The following FOXP1 variants were observed in gnomAD, a reference collection of about 807,000 sequenced individuals.
FOXP1 encodes forkhead box protein P1.
In FOXP1, 15 loss-of-function variants were observed where a neutral mutation model predicts 98.2. That is an observed-to-expected ratio of 0.15 (90% CI 0.10 to 0.24). The LOEUF (loss-of-function observed/expected upper bound fraction) is 0.24. Among genes scored for constraint, FOXP1 ranks in the 10% least tolerant of loss-of-function variants. The pLI, the probability that FOXP1 is intolerant of heterozygous loss-of-function variation, is 1.00. For missense variants in FOXP1, 633 were observed against 848.5 expected, an observed-to-expected ratio of 0.75 and a Z score of 3.15; for synonymous variants, 371 against 314.5, an observed-to-expected ratio of 1.18 and a Z score of -1.90.
intron 6 of FOXP1, among the ~76,000 whole-genome samples, chr3:71,143,439 T>C (rs535188717): frequency 6.6e-6 from 1 of 152,294 alleles, no homozygotes; most frequent in African/African-American, 2.4e-5. Flanking sequence ...TGTTGCACAG[T>C]CTTCTGGAAG....
chr3:70,968,412 T>C (rs1246118018), intron 19 of FOXP1: 1 of 147,326 alleles, frequency 6.8e-6, no homozygotes, highest in African/African-American at 2.6e-5. Flanking sequence ...GAAGCAGGTG[T>C]GTTACAAAAA....
intron 6 of FOXP1, among the ~76,000 whole-genome samples, chr3:71,154,648 G>C (rs574704199): frequency 6.6e-6 from 1 of 152,166 alleles, no homozygotes; most frequent in Non-Finnish European, 1.5e-5. Context: ...TCAATGCTTC[G>C]CTGTGTGACC....
At chr3:71,232,994 A>G (rs1226660163) in intron 5 of FOXP1, among the ~76,000 whole-genome samples, 1 of 151,560 alleles carries the variant, frequency 6.6e-6, no homozygotes, top group Non-Finnish European at 1.5e-5. Context: ...TAATAATAAT[A>G]AAAACATAAG....
At chr3:71,403,477 GGTGTGTGAGT>G (rs1396291456) in intron 3 of FOXP1, among the ~76,000 whole-genome samples, 3 of 152,256 alleles carry the variant, frequency 2.0e-5, no homozygotes, top group Non-Finnish European at 2.9e-5. Flanking sequence ...TGATGTGAGA[GGTGTGTGAGT>G]GTGTGTGCGC....
Position 70,956,538 on chromosome 3 carries a change from G to C in FOXP1, c.*2709C>G. On this transcript the variant is annotated 3_prime_UTR_variant, in exon 21 of 21. Transcript: ENST00000649528. Reference sequence around the variant, plus strand: ...TCCCTAAAGGTTTGAACTGAGGTATGCGTACTAACAGTTTCTCATGCTGTT... The same window carrying C: ...TCCCTAAAGGTTTGAACTGAGGTATCCGTACTAACAGTTTCTCATGCTGTT... The C allele has an allele frequency of 4.4e-6, 1 of 225,160 alleles. No homozygotes were observed. The allele number at this position is 225,160 out of a possible 1,614,324, so 13.9% of individuals were successfully genotyped here.
At chr3:71,020,388 C>T (rs1227422632) in intron 11 of FOXP1, among the ~76,000 whole-genome samples, 1 of 152,156 alleles carries the variant, frequency 6.6e-6, no homozygotes, top group Non-Finnish European at 1.5e-5. Context: ...CCAAGGTCTT[C>T]ACTTCAACAC....
At chr3:71,258,302 A>G (rs893343421) in intron 5 of FOXP1, among the ~76,000 whole-genome samples, 6 of 152,226 alleles carry the variant, frequency 3.9e-5, no homozygotes, top group Non-Finnish European at 8.8e-5. Context: ...AAGGATGAGT[A>G]GGATGTTAAT....
intron 2 of FOXP1, among the ~76,000 whole-genome samples, chr3:71,560,218 A>T (rs2107727014): frequency 6.6e-6 from 1 of 152,308 alleles, no homozygotes; most frequent in African/African-American, 2.4e-5. Context: ...TCGCATCATT[A>T]TTGTCACCAC....
chr3:71,231,020 CT>C (rs1256990455), intron 5 of FOXP1, among the ~76,000 whole-genome samples: 1 of 152,158 alleles, frequency 6.6e-6, no homozygotes, highest in East Asian at 1.9e-4. Flanking sequence ...TCCCTCCGCT[CT>C]TTAATCATAA....
intron 6 of FOXP1, 134 bp from the exon 7 acceptor site, chr3:71,112,771 T>G: frequency 1.4e-6 from 1 of 697,626 alleles, no homozygotes. Context: ...AAACAGCAAA[T>G]GAAACTTCCC....
At chr3:70,996,419 TTG>T (rs1277594447) in intron 13 of FOXP1, among the ~76,000 whole-genome samples, 3 of 152,252 alleles carry the variant, frequency 2.0e-5, no homozygotes, top group African/African-American at 7.2e-5. Context: ...CAGTACAGCC[TTG>T]AAAGCTTTTC....
At chr3:71,482,784 CAACACATTTTAAT>C (rs963085540) in intron 3 of FOXP1, among the ~76,000 whole-genome samples, 10 of 151,664 alleles carry the variant, frequency 6.6e-5, no homozygotes, top group Non-Finnish European at 1.5e-4. Context: ...GTGAGATATA[CAACACATTTTAAT>C]AACACTGGTT....
rs573673427 is a variant in FOXP1, at chr3:70,957,301, T to C, written c.*1946A>G. On this transcript the variant is annotated 3_prime_UTR_variant, in exon 21 of 21. Coordinates refer to ENST00000649528, the MANE Select transcript of FOXP1 (RefSeq NM_001349338.3). ...CACAAAAAGAAAAAGGAAAAATAAC[T>C]ACTAGAAAAAAGTAACAACTTTGGT... The C allele has an allele frequency of 3.0e-4, 67 of 227,098 alleles. No homozygotes were observed. Among genetic ancestry groups the C allele is most frequent in the Non-Finnish European group, 3.7e-4 (42 of 114,200 alleles). 14.1% of individuals were successfully genotyped at this position (227,098 alleles called of 1,614,324 possible).
At chr3:71,085,746 T>TTTTTTTTTTTTTTTTTTTTG (rs2055005286) in intron 7 of FOXP1, among the ~76,000 whole-genome samples, 1 of 131,474 alleles carries the variant, frequency 7.6e-6, no homozygotes. Flanking sequence ...TTTTTTTTTT[T>TTTTTTTTTTTTTTTTTTTTG]TTTACATGGA....
At chr3:71,052,295 C>G (rs1056017087) in intron 9 of FOXP1, among the ~76,000 whole-genome samples, 6 of 152,144 alleles carry the variant, frequency 3.9e-5, no homozygotes, top group Admixed American at 6.5e-5. Flanking sequence ...ACTCTGTCAA[C>G]GATGCCTCTC....
intron 5 of FOXP1, among the ~76,000 whole-genome samples, chr3:71,237,872 G>A (rs1224425095): frequency 1.3e-5 from 2 of 152,130 alleles, no homozygotes; most frequent in Admixed American, 6.5e-5. Context: ...CCTCCCCCAG[G>A]AAAAAGGATA....
chr3:71,537,896 C>T, intron 2 of FOXP1, among the ~76,000 whole-genome samples: 1 of 152,244 alleles, frequency 6.6e-6, no homozygotes, highest in South Asian at 2.1e-4. Flanking sequence ...GACACATGAA[C>T]ACGATGTGAA....
chr3:71,315,052 A>G (rs1450720011), intron 4 of FOXP1, among the ~76,000 whole-genome samples: 1 of 139,414 alleles, frequency 7.2e-6, no homozygotes, highest in Non-Finnish European at 1.5e-5. Context: ...TAAAAGGTTC[A>G]GTGAACTAAT....
chr3:71,225,891 C>T lies in FOXP1; in HGVS notation c.-11-27499G>A, dbSNP rs61137405. Among the ~76,000 whole-genome samples the T allele has an allele frequency of 7.0e-3, 1,070 of 152,228 alleles. 11 individuals are homozygous for T. Among genetic ancestry groups the T allele is most frequent in the African/African-American group, 0.025 (1,024 of 41,526 alleles). ...GGGTGCAGCAAAGAGAGACTGGGCACGGGGGCCCAAGACGGACTGAGAAAA... is the reference window on the plus strand; with the variant it reads ...GGGTGCAGCAAAGAGAGACTGGGCATGGGGGCCCAAGACGGACTGAGAAAA... On this transcript the variant is annotated intron_variant, in intron 5 of 20. Coordinates refer to ENST00000649528, the MANE Select transcript of FOXP1 (RefSeq NM_001349338.3).
Sources: gnomAD v4.1 joint callset for allele counts (sites outside exome capture counted in the v4.1 genomes callset) on GRCh38, gnomAD v4.1.1 for gene constraint, MANE v1.5 for transcripts, NCBI Gene and HGNC (gene_info 2026-07-23, HGNC 2026-07-21) for gene names.